CCDC180: variants seen among roughly 807,000 people sequenced by gnomAD.
CCDC180 encodes coiled-coil domain containing 180.
Under a neutral mutation model 209.2 loss-of-function variants are expected in CCDC180, and 154 were observed. The observed-to-expected ratio is 0.74, with a 90% CI of 0.65 to 0.84. CCDC180 has a LOEUF of 0.84. CCDC180 is among the 40% of genes least tolerant of loss of function. The pLI, the probability that CCDC180 is intolerant of heterozygous loss-of-function variation, is 0.00. For missense variants in CCDC180, 1,874 were observed against 1,997.3 expected (o/e 0.94, Z 1.18); for synonymous variants, 778 against 749.1 (o/e 1.04, Z -0.63).
At chr9:97,323,597 A>C (rs1369931019) in intron 12 of CCDC180, among the ~76,000 whole-genome samples, 184 bp from the exon 13 acceptor site, 1 of 152,194 alleles carries the variant, frequency 6.6e-6, no homozygotes, top group Non-Finnish European at 1.5e-5. Flanking sequence ...GAGCTCCTGC[A>C]TGCCTCTCCA....
At chr9:97,307,538 G>A (rs73559834), upstream of CCDC180, 2,067 of 614,486 alleles carry the variant, frequency 3.4e-3, 28 homozygotes, top group African/African-American at 0.033. Flanking sequence ...CCTAATTAGC[G>A]TGACCTGAAT....
At chr9:97,359,065 T>C (rs1826676091) in intron 25 of CCDC180, among the ~76,000 whole-genome samples, 1 of 152,244 alleles carries the variant, frequency 6.6e-6, no homozygotes, top group African/African-American at 2.4e-5. Flanking sequence ...CACTTGTTTC[T>C]ACACATCCAC....
chr9:97,374,393 A>G (rs1309466890), intron 34 of CCDC180, 150 bp from the exon 35 acceptor site: 5 of 616,152 alleles, frequency 8.1e-6, no homozygotes, highest in Non-Finnish European at 1.4e-5. Context: ...TGGTGCATTC[A>G]GCTTCTCCAT....
chr9:97,352,443 T>G (rs1308507428), intron 22 of CCDC180, among the ~76,000 whole-genome samples: 1 of 152,170 alleles, frequency 6.6e-6, no homozygotes, highest in Non-Finnish European at 1.5e-5. Flanking sequence ...TTTCTCCTGG[T>G]TGATGAGATA....
At chr9:97,318,861 G>C (rs1833266831) in intron 10 of CCDC180, among the ~76,000 whole-genome samples, 1 of 152,236 alleles carries the variant, frequency 6.6e-6, no homozygotes, top group South Asian at 2.1e-4. Flanking sequence ...GAGCACGCAG[G>C]AACTGTGGCC....
chr9:97,314,517 T>C lies in CCDC180; in HGVS notation c.584T>C (p.Ile195Thr). The change falls in exon 6 of 37, where the codon ATC (isoleucine) becomes ACC (threonine). Residue 195 changes from isoleucine to threonine, a missense_variant. Ile to Thr is a moderately conservative substitution (Grantham distance 89). Coordinates refer to ENST00000529487, the MANE Select transcript of CCDC180 (RefSeq NM_020893.6). ...GACACCAACCTTGAGGACTACACCATCCAAGTAGGGGTCCCTTCGTGGCTG... is the reference window on the plus strand; with the variant it reads ...GACACCAACCTTGAGGACTACACCACCCAAGTAGGGGTCCCTTCGTGGCTG... ...ENDTNLEDYTIQALLELWDKV... is the reference protein window; with the variant it reads ...ENDTNLEDYTTQALLELWDKV... 6.2e-7 allele frequency: 1 copy of C among 1,614,058 alleles called. No homozygotes were observed. Among genetic ancestry groups the C allele is most frequent in the Non-Finnish European group, 8.5e-7 (1 of 1,179,976 alleles).
chr9:97,366,804 G>GATC lies in CCDC180; in HGVS notation c.4189+104_4189+105insATC. 6 of 1,231,434 alleles carry GATC rather than the reference G, an allele frequency of 4.9e-6. No homozygotes were observed. Among genetic ancestry groups the GATC allele is most frequent in the East Asian group, 2.6e-5 (1 of 39,128 alleles). The allele number at this position is 1,231,434 out of a possible 1,614,324, so 76.3% of individuals were successfully genotyped here. On this transcript the variant is annotated intron_variant, in intron 31 of 36. Coordinates refer to ENST00000529487, the MANE Select transcript of CCDC180 (RefSeq NM_020893.6). This position sits in a 1 kb window ranked among gnomAD's most constrained non-coding sequence, Gnocchi z 4.3. Reference sequence around the variant, plus strand: ...GCCTGGATCCTCCCCTCTGGGGGAGGCAGAAGAGCTTCCCTGTGAAAAGCT... The same window carrying GATC: ...GCCTGGATCCTCCCCTCTGGGGGAGGATCCAGAAGAGCTTCCCTGTGAAAAGCT...
Position 97,361,780 on chromosome 9 carries a change from GC to G in CCDC180, c.3541del (p.Glu1182LysfsTer17), listed in dbSNP as rs775826862. Reference protein sequence around the residue: ...EDSDILTSSEALEEEAKLDVV... With the variant: ...EDSDILTSSEXLEEEAKLDVV... ...CAGTGACATCCTGACATCTTCAGAA[GC>G]CCTTGAAGAGGAGGCCAAGCTGGAC... On this transcript the variant is annotated frameshift_variant, in exon 27 of 37. Transcript: ENST00000529487. LOFTEE classifies it high-confidence loss of function. 6 of 1,614,042 alleles carry G rather than the reference GC, an allele frequency of 3.7e-6. No homozygotes were observed. The highest frequency in any genetic ancestry group is 1.3e-5 in the African/African-American group (1 of 74,922).
At chr9:97,347,592 C>CTAAACATTGCATGGT in intron 20 of CCDC180, 103 bp downstream of exon 20, 1 of 1,099,862 alleles carries the variant, frequency 9.1e-7, no homozygotes, top group Non-Finnish European at 1.3e-6. Context: ...TTGTACCATG[C>CTAAACATTGCATGGT]AATGTTTAGC....
intron 35 of CCDC180, 126 bp downstream of exon 35, chr9:97,374,774 TTA>T: frequency 1.4e-6 from 1 of 697,602 alleles, no homozygotes; most frequent in South Asian, 1.9e-5. Flanking sequence ...GTTCTGAGCC[TTA>T]GTTTCCTCAT....
chr9:97,356,081 C>G (rs1826576110), intron 24 of CCDC180, among the ~76,000 whole-genome samples: 1 of 152,048 alleles, frequency 6.6e-6, no homozygotes, highest in African/African-American at 2.4e-5. Context: ...AAGTGTGAGG[C>G]TGATGGGGAG....
At chr9:97,340,204 T>C (rs1011937278) in intron 18 of CCDC180, among the ~76,000 whole-genome samples, 1 of 152,220 alleles carries the variant, frequency 6.6e-6, no homozygotes, top group Non-Finnish European at 1.5e-5. Context: ...GTTCTGTTGC[T>C]GGTGAGGAGC....
intron 23 of CCDC180, 71 bp from the exon 24 acceptor site, chr9:97,354,821 C>T (rs1826527493): frequency 6.4e-7 from 1 of 1,557,768 alleles, no homozygotes; most frequent in Admixed American, 1.7e-5. Flanking sequence ...CTGGGCCTGT[C>T]CCCCTCCTCC....
At chr9:97,352,004 T>C (rs1448955743) in intron 22 of CCDC180, among the ~76,000 whole-genome samples, 1 of 152,044 alleles carries the variant, frequency 6.6e-6, no homozygotes, top group Non-Finnish European at 1.5e-5. Context: ...TCCCAGGTAC[T>C]TGGGAGGCTG....
intron 33 of CCDC180, 62 bp downstream of exon 33, chr9:97,370,840 A>G: frequency 6.4e-7 from 1 of 1,562,738 alleles, no homozygotes; most frequent in Non-Finnish European, 8.7e-7. Flanking sequence ...ATGGACAGCC[A>G]CTGACAGTGC....
chr9:97,326,464 G>T, intron 14 of CCDC180, 90 bp from the exon 15 acceptor site: 1 of 784,222 alleles, frequency 1.3e-6, no homozygotes, highest in Non-Finnish European at 2.2e-6. Flanking sequence ...CTGGGCCTCA[G>T]TTCCAGCAGC....
At chr9:97,351,701 A>G (rs1826425228) in intron 22 of CCDC180, among the ~76,000 whole-genome samples, 2 of 152,180 alleles carry the variant, frequency 1.3e-5, no homozygotes, top group South Asian at 4.1e-4. Flanking sequence ...TTTTGTACAG[A>G]AATGGAATCC....
rs369708296 is a variant in CCDC180, at chr9:97,317,272, G to T, written c.959+44G>T. On this transcript the variant is annotated intron_variant, in intron 9 of 36. Transcript: ENST00000529487. ...GCTCCTTCTCCAGCCCACCAGGGGGGCTGGCAAAGGGTAGGGGCGGCATTC... is the reference window on the plus strand; with the variant it reads ...GCTCCTTCTCCAGCCCACCAGGGGGTCTGGCAAAGGGTAGGGGCGGCATTC... 4.0e-4 allele frequency: 596 copies of T among 1,472,724 alleles called. 2 individuals carry two copies. In the African/African-American group the frequency reaches 7.5e-3, roughly 18 times the overall value. The allele number at this position is 1,472,724 out of a possible 1,614,324, so 91.2% of individuals were successfully genotyped here.
At chr9:97,332,573 T>C (rs879538887) in intron 18 of CCDC180, among the ~76,000 whole-genome samples, 4 of 152,182 alleles carry the variant, frequency 2.6e-5, no homozygotes, top group Non-Finnish European at 4.4e-5. Context: ...GTAATTCTCA[T>C]TGTAGAGACC....
Sources: gnomAD v4.1 joint callset for allele counts (sites outside exome capture counted in the v4.1 genomes callset) on GRCh38, gnomAD v4.1.1 for gene constraint, Gnocchi (gnomAD v3.1) non-coding constraint, MANE v1.5 for transcripts, NCBI Gene and HGNC (gene_info 2026-07-23, HGNC 2026-07-21) for gene names.